Variants in SLC4A4 observed in about 807,000 individuals in gnomAD.
The protein encoded by SLC4A4 is electrogenic sodium bicarbonate cotransporter 1.
Under a neutral mutation model 111.5 loss-of-function variants are expected in SLC4A4, and 27 were observed. The ratio of observed to expected loss-of-function variants is 0.24; its 90% CI spans 0.18 to 0.33. SLC4A4 has a LOEUF of 0.33. SLC4A4 is among the 10% of genes least tolerant of loss of function. The pLI is 1.00. For synonymous variants in SLC4A4, 443 were observed against 463.4 expected, an observed-to-expected ratio of 0.96 and a Z score of 0.57; for missense variants, 909 against 1,315.5, an observed-to-expected ratio of 0.69 and a Z score of 4.78.
Position 71,303,833 on chromosome 4 carries a change from G to A in SLC4A4, c.254-35537G>A, listed in dbSNP as rs1560393344. Among the ~76,000 whole-genome samples the A allele has an allele frequency of 5.0e-5, 7 of 139,276 alleles. No individual in the cohort carries two copies. In the Admixed American group the frequency reaches 5.3e-4, roughly 11 times the overall value. 91.4% of individuals were successfully genotyped at this position (139,276 alleles called of 152,430 possible). On this transcript the variant is annotated intron_variant, in intron 3 of 25. Transcript: ENST00000264485. ...TCCCTCCGTCCTTCCTTTCTTCTCT[G>A]TATTTAAGTACTTGCAATAAAAACA...
chr4:71,226,156 T>C (rs1719034479), intron 1 of SLC4A4, among the ~76,000 whole-genome samples: 1 of 152,168 alleles, frequency 6.6e-6, no homozygotes, highest in African/African-American at 2.4e-5. Flanking sequence ...TTTTTAGAGA[T>C]AGATCTCACT....
At chr4:71,236,174 C>G (rs1719789750) in intron 1 of SLC4A4, 1 of 1,054,096 alleles carries the variant, frequency 9.5e-7, no homozygotes. Flanking sequence ...AGCACTGAAG[C>G]TGGATTTCCA....
intron 2 of SLC4A4, among the ~76,000 whole-genome samples, chr4:71,171,826 A>G (rs1744949464): frequency 6.6e-6 from 1 of 152,320 alleles, no homozygotes; most frequent in African/African-American, 2.4e-5. Context: ...GTTTCTCTAA[A>G]TGGAATGTCT....
chr4:71,222,364 C>A (rs879712771), intron 1 of SLC4A4, among the ~76,000 whole-genome samples: 1 of 152,202 alleles, frequency 6.6e-6, no homozygotes, highest in Non-Finnish European at 1.5e-5. Context: ...CTCGTTGAGG[C>A]CTTTCTTAAC....
At chr4:71,366,267 TTTC>T (rs773582757) in intron 6 of SLC4A4, among the ~76,000 whole-genome samples, 2 of 151,824 alleles carry the variant, frequency 1.3e-5, no homozygotes, top group Non-Finnish European at 2.9e-5. Flanking sequence ...TAAAATTTAT[TTTC>T]TTCTTAATAG....
chr4:71,397,792 A>G, intron 7 of SLC4A4, 139 bp downstream of exon 7: 1 of 762,736 alleles, frequency 1.3e-6, no homozygotes, highest in South Asian at 1.5e-5. Flanking sequence ...TCCTGGGCAG[A>G]AGGAGAAGCA....
rs1168996571 is a variant in SLC4A4, at chr4:71,443,116, C to CTA, written c.965+2378_965+2379dup. ...TCTCTCTCTCTCTCTCTCTCTCTCT[C>CTA]TATATATATATATATATATATATAT... is the stretch of plus-strand genomic sequence containing the variant. On this transcript the variant is annotated intron_variant, in intron 8 of 25. Transcript: ENST00000264485. Among the ~76,000 whole-genome samples the CTA allele has an allele frequency of 5.2e-3, 339 of 65,628 alleles. 7 individuals are homozygous for CTA. Among genetic ancestry groups the CTA allele is most frequent in the Non-Finnish European group, 5.7e-3 (220 of 38,922 alleles). 43.1% of individuals were successfully genotyped at this position (65,628 alleles called of 152,430 possible).
intron 7 of SLC4A4, among the ~76,000 whole-genome samples, chr4:71,422,658 C>T (rs1408152083): frequency 4.0e-5 from 6 of 151,868 alleles, no homozygotes; most frequent in Non-Finnish European, 7.4e-5. Flanking sequence ...TGGGCTTCAT[C>T]CCTGGGATGC....
intron 3 of SLC4A4, among the ~76,000 whole-genome samples, chr4:71,303,693 T>C (rs1397633854): frequency 3.3e-5 from 5 of 152,228 alleles, no homozygotes; most frequent in Admixed American, 3.3e-4. Context: ...ATTGCAGCTA[T>C]AGCATCCCAG....
In SLC4A4 at chr4:71,394,237, C is replaced by T. The variant is rs187677859; in HGVS notation, c.731-3340C>T. 1.3e-3 allele frequency among the ~76,000 whole-genome samples: 195 copies of T among 152,016 alleles called. 1 individual carries two copies. Among genetic ancestry groups the T allele is most frequent in the African/African-American group, 4.5e-3 (186 of 41,466 alleles). ...CAGACAACCCACAGAGTGGGAGAAA[C>T]TCTCCACATTCTACACATCTGACAG... On this transcript the variant is annotated intron_variant, in intron 6 of 25. Transcript: ENST00000264485.
chr4:71,517,522 C>A (rs1272636152), intron 16 of SLC4A4, among the ~76,000 whole-genome samples: 1 of 151,734 alleles, frequency 6.6e-6, no homozygotes, highest in African/African-American at 2.4e-5. Context: ...TTATTGTTTT[C>A]TTGATTTTGT....
At chr4:71,502,524 T>C (rs1731042089) in intron 16 of SLC4A4, among the ~76,000 whole-genome samples, 1 of 152,206 alleles carries the variant, frequency 6.6e-6, no homozygotes, top group Non-Finnish European at 1.5e-5. Context: ...TATGATATAT[T>C]TCCATTCTCA....
intron 3 of SLC4A4, among the ~76,000 whole-genome samples, chr4:71,269,866 G>A (rs941271254): frequency 1.3e-4 from 20 of 152,128 alleles, no homozygotes; most frequent in Admixed American, 4.6e-4. Context: ...GCTTTTTGAT[G>A]GTGGGCAAGT....
intron 23 of SLC4A4, among the ~76,000 whole-genome samples, chr4:71,563,473 C>G (rs1020940651): frequency 6.6e-6 from 1 of 151,770 alleles, no homozygotes; most frequent in South Asian, 2.1e-4. Flanking sequence ...GCATTGAGAT[C>G]ATTTGCTTCA....
intron 3 of SLC4A4, among the ~76,000 whole-genome samples, chr4:71,261,276 C>T (rs1009260442): frequency 2.0e-5 from 3 of 152,184 alleles, no homozygotes. Context: ...CAGCAAGTGG[C>T]TTGGTGTACC....
At position 71,368,287 on chromosome 4, in the gene SLC4A4, A is replaced by G. The variant is rs1413298889; in HGVS notation, c.730+11100A>G. ...GTATATGTAGCCTGCAACATTATTT[A>G]ATCTTTGCTGTGGTCTAAGATTTGG... On this transcript the variant is annotated intron_variant, in intron 6 of 25. Coordinates refer to ENST00000264485, the MANE Select transcript of SLC4A4 (RefSeq NM_001098484.3). 3.3e-5 allele frequency among the ~76,000 whole-genome samples: 5 copies of G among 152,210 alleles called. No homozygotes were observed. The East Asian group carries it at 7.7e-4, about 23-fold the overall frequency.
chr4:71,424,790 A>G (rs1024749971), intron 7 of SLC4A4, among the ~76,000 whole-genome samples: 6 of 152,156 alleles, frequency 3.9e-5, no homozygotes, highest in Admixed American at 1.3e-4. Context: ...GAATTGAACA[A>G]TGAGAACACG....
intron 3 of SLC4A4, among the ~76,000 whole-genome samples, chr4:71,282,880 T>G (rs542650118): frequency 1.3e-5 from 2 of 152,252 alleles, no homozygotes; most frequent in South Asian, 4.1e-4. Flanking sequence ...CTTGCTCAGA[T>G]TTTTTAATTA....
chr4:71,199,754 A>G (rs1344973252), intron 1 of SLC4A4, among the ~76,000 whole-genome samples: 2 of 152,178 alleles, frequency 1.3e-5, no homozygotes, highest in East Asian at 3.9e-4. Flanking sequence ...AGGTTCAGGT[A>G]GTTCTCCTGC....
Sources: allele counts gnomAD v4.1 joint callset (sites outside exome capture counted in the v4.1 genomes callset), GRCh38; gene constraint gnomAD v4.1.1; transcripts MANE v1.5; gene names NCBI Gene and HGNC (gene_info 2026-07-23, HGNC 2026-07-21).